Variants in NR3C1 observed in about 807,000 individuals in gnomAD.
NR3C1 encodes glucocorticoid receptor.
Under a neutral mutation model 74.0 loss-of-function variants are expected in NR3C1, and 14 were observed. That is an observed-to-expected ratio of 0.19 (90% CI 0.12 to 0.30). The LOEUF is 0.30. Ranked by LOEUF, NR3C1 falls within the 10% of genes least tolerant of loss-of-function variation. NR3C1 has a pLI of 1.00. For missense variants in NR3C1, 695 were observed against 909.8 expected (o/e 0.76, Z 3.04); for synonymous variants, 308 against 332.5 (o/e 0.93, Z 0.80).
chr5:143,318,760 A>G (rs933829542), intron 2 of NR3C1, among the ~76,000 whole-genome samples: 1 of 152,184 alleles, frequency 6.6e-6, no homozygotes, highest in Non-Finnish European at 1.5e-5. Context: ...TTAATCTTAT[A>G]CACTTTTCTT....
At chr5:143,425,546 A>T (rs1311193475) in intron 1 of NR3C1, among the ~76,000 whole-genome samples, 1 of 152,198 alleles carries the variant, frequency 6.6e-6, no homozygotes, top group Non-Finnish European at 1.5e-5. Context: ...AAGACAACCA[A>T]CATTTCAAAA....
upstream of NR3C1, among the ~76,000 whole-genome samples, chr5:143,407,919 C>T (rs979172452): frequency 3.3e-5 from 5 of 152,192 alleles, no homozygotes; most frequent in Non-Finnish European, 5.9e-5. Flanking sequence ...AGATCATCAC[C>T]TTTACCTACC....
At position 143,340,364 on chromosome 5, in the gene NR3C1, T is replaced by C. The variant is rs112642592; in HGVS notation, c.1185-26196A>G. On this transcript the variant is annotated intron_variant, in intron 2 of 8. Transcript: ENST00000394464. ...TCCCAGCAGGCTTTTTTTGTGTGTGTATAGAAATTGACAGGCTGACTCTAA... is the reference window on the plus strand; with the variant it reads ...TCCCAGCAGGCTTTTTTTGTGTGTGCATAGAAATTGACAGGCTGACTCTAA... 2.7e-3 allele frequency among the ~76,000 whole-genome samples: 411 copies of C among 152,070 alleles called. 1 individual carries two copies. The highest frequency in any genetic ancestry group is 5.2e-3 in the Admixed American group (79 of 15,274).
rs570373894 is a variant in NR3C1, at chr5:143,346,742, C to T, written c.1185-32574G>A. ...TGTAAACTTCAAAAACTTAACACAACTATACTTTAAATGTCTTTTTACACA... is the reference window on the plus strand; with the variant it reads ...TGTAAACTTCAAAAACTTAACACAATTATACTTTAAATGTCTTTTTACACA... On this transcript the variant is annotated intron_variant, in intron 2 of 8. Coordinates refer to ENST00000394464, the MANE Select transcript of NR3C1 (RefSeq NM_000176.3). Among the ~76,000 whole-genome samples, 7 of 152,334 alleles carry T rather than the reference C, an allele frequency of 4.6e-5. No individual in the cohort carries two copies. The South Asian group carries it at 1.4e-3, about 32-fold the overall frequency.
chr5:143,408,131 T>G (rs76901335), upstream of NR3C1, among the ~76,000 whole-genome samples: 649 of 152,276 alleles, frequency 4.3e-3, 2 homozygotes, highest in African/African-American at 0.015. Flanking sequence ...GCCCACTGAC[T>G]GGAGTTCCAT....
At chr5:143,313,803 T>C (rs1269964603) in intron 3 of NR3C1, among the ~76,000 whole-genome samples, 199 bp downstream of exon 3, 3 of 152,200 alleles carry the variant, frequency 2.0e-5, no homozygotes, top group African/African-American at 7.2e-5. Context: ...CTTGTACTTT[T>C]CTATTTTATT....
Position 143,310,199 on chromosome 5 carries a change from G to T in NR3C1, c.1366C>A (p.Leu456Ile). The T allele has an allele frequency of 1.9e-6, 3 of 1,611,548 alleles. No individual in the cohort carries two copies. Among genetic ancestry groups the T allele is most frequent in the Non-Finnish European group, 2.5e-6 (3 of 1,178,012 alleles). The change falls in exon 4 of 9, where the codon CTA becomes ATA. Residue 456 changes from leucine to isoleucine, a missense_variant. Coordinates refer to ENST00000394464, the MANE Select transcript of NR3C1 (RefSeq NM_000176.3). ...KRAVEGQHNY[L>I]CAGRNDCIID... The stretch of plus-strand genomic sequence containing the variant: ...ATGCAATCATTCCTTCCAGCACATA[G>T]GTAATTGTGCTGTCCTATATGGAAT...
chr5:143,405,289 T>C (rs72557308), upstream of NR3C1: 22 of 985,532 alleles, frequency 2.2e-5, no homozygotes, highest in African/African-American at 3.8e-4. Flanking sequence ...CTGCCGCAGC[T>C]CCACCTAATC....
At chr5:143,408,749 A>G (rs1166557822) in intron 1 of NR3C1, among the ~76,000 whole-genome samples, 6 of 152,176 alleles carry the variant, frequency 3.9e-5, no homozygotes, top group Admixed American at 3.9e-4. Flanking sequence ...ACAATGCTCA[A>G]AAAGTTTTGG....
At chr5:143,303,048 A>G (rs1818820973) in intron 4 of NR3C1, among the ~76,000 whole-genome samples, 1 of 152,142 alleles carries the variant, frequency 6.6e-6, no homozygotes, top group African/African-American at 2.4e-5. Context: ...AGATTAACAA[A>G]GAAAAAAAGA....
At chr5:143,303,106 A>C (rs1173706274) in intron 4 of NR3C1, among the ~76,000 whole-genome samples, 1 of 152,054 alleles carries the variant, frequency 6.6e-6, no homozygotes. Flanking sequence ...ATGACATTAC[A>C]AGAGATTCCA....
At chr5:143,420,116 G>C (rs1256106780) in intron 1 of NR3C1, among the ~76,000 whole-genome samples, 1 of 152,172 alleles carries the variant, frequency 6.6e-6, no homozygotes, top group Non-Finnish European at 1.5e-5. Flanking sequence ...CTTATTACCT[G>C]AACAATTGCT....
At chr5:143,380,496 G>GA (rs752774718) in intron 2 of NR3C1, among the ~76,000 whole-genome samples, 2 of 152,028 alleles carry the variant, frequency 1.3e-5, no homozygotes, top group Non-Finnish European at 2.9e-5. Context: ...AGTAACTGGA[G>GA]AAAAAAAGCA....
At chr5:143,365,752 G>T (rs1286071298) in intron 2 of NR3C1, among the ~76,000 whole-genome samples, 3 of 152,118 alleles carry the variant, frequency 2.0e-5, no homozygotes, top group African/African-American at 7.2e-5. Flanking sequence ...CAATGTATTA[G>T]GTCATAAGAC....
intron 2 of NR3C1, among the ~76,000 whole-genome samples, chr5:143,352,395 T>A (rs1215030544): frequency 6.6e-6 from 1 of 152,182 alleles, no homozygotes; most frequent in Non-Finnish European, 1.5e-5. Flanking sequence ...GAATTGGCTA[T>A]CTCAGACATA....
At chr5:143,405,077 C>G, upstream of NR3C1, 2 of 973,384 alleles carry the variant, frequency 2.1e-6, no homozygotes, top group South Asian at 9.5e-5. Flanking sequence ...GTGCGGGAAG[C>G]CCCCGCCCCA....
upstream of NR3C1, among the ~76,000 whole-genome samples, chr5:143,406,496 C>T (rs1841119026): frequency 6.6e-6 from 1 of 151,644 alleles, no homozygotes; most frequent in East Asian, 1.9e-4. Context: ...AAAAAATTCT[C>T]ATTCTTTAGT....
intron 7 of NR3C1, chr5:143,295,047 G>A (rs372049275): frequency 9.1e-6 from 9 of 985,220 alleles, no homozygotes; most frequent in South Asian, 4.7e-5. Context: ...TCTAGGATGC[G>A]CCTTTTTCTC....
chr5:143,314,422 T>C (rs1199197810), intron 2 of NR3C1, among the ~76,000 whole-genome samples: 1 of 133,048 alleles, frequency 7.5e-6, no homozygotes, highest in Non-Finnish European at 1.6e-5. Flanking sequence ...CTTCTTCTTC[T>C]TTTTTTTTTT....
Sources: allele counts gnomAD v4.1 joint callset (sites outside exome capture counted in the v4.1 genomes callset), GRCh38; gene constraint gnomAD v4.1.1; transcripts MANE v1.5; gene names NCBI Gene and HGNC (gene_info 2026-07-23, HGNC 2026-07-21).